The following ANK3 variants were observed in gnomAD, a reference collection of about 807,000 sequenced individuals.
ANK3 encodes ankyrin-3.
A neutral mutation model predicts 370.9 loss-of-function variants in ANK3; 57 were observed. That is an observed-to-expected ratio of 0.15 (90% CI 0.12 to 0.19). The LOEUF is 0.19. Ranked by LOEUF, ANK3 falls within the 10% of genes least tolerant of loss-of-function variation. ANK3 has a pLI of 1.00. For synonymous variants in ANK3, 1,929 were observed against 1,946.3 expected, an observed-to-expected ratio of 0.99 and a Z score of 0.23; for missense variants, 4,439 against 5,302.1, an observed-to-expected ratio of 0.84 and a Z score of 5.06.
intron 1 of ANK3, among the ~76,000 whole-genome samples, chr10:60,705,387 T>A (rs2079600697): frequency 6.6e-6 from 1 of 152,336 alleles, no homozygotes; most frequent in East Asian, 1.9e-4. Flanking sequence ...ATATGATTTT[T>A]AAAATAATAT....
At chr10:60,177,395 T>C (rs1013004872) in intron 18 of ANK3, among the ~76,000 whole-genome samples, 11 of 152,132 alleles carry the variant, frequency 7.2e-5, no homozygotes, top group Non-Finnish European at 1.3e-4. Flanking sequence ...TCCTACTTGA[T>C]TGGCCCCCAG....
chr10:60,287,464 C>A (rs2040276997), intron 1 of ANK3, among the ~76,000 whole-genome samples: 1 of 152,060 alleles, frequency 6.6e-6, no homozygotes, highest in African/African-American at 2.4e-5. Context: ...GTATAAAGGT[C>A]CACTGAGGGT....
At chr10:60,109,160 G>C in intron 26 of ANK3, 106 bp from the exon 27 acceptor site, 6 of 818,622 alleles carry the variant, frequency 7.3e-6, no homozygotes, top group Non-Finnish European at 1.2e-5. Context: ...AGACAATGTA[G>C]CTATCATTTC....
intron 1 of ANK3, among the ~76,000 whole-genome samples, chr10:60,326,256 G>T (rs2132914820): frequency 6.6e-6 from 1 of 152,110 alleles, no homozygotes; most frequent in African/African-American, 2.4e-5. Flanking sequence ...TAACACACCT[G>T]CACGTGTATT....
intron 42 of ANK3, chr10:60,050,809 G>A (rs935976328): frequency 6.6e-6 from 1 of 151,786 alleles, no homozygotes; most frequent in African/African-American, 2.4e-5. Flanking sequence ...TAATAGGGAA[G>A]AATTCTATTT....
intron 2 of ANK3, among the ~76,000 whole-genome samples, chr10:60,440,269 C>G (rs770659425): frequency 2.0e-5 from 3 of 152,044 alleles, no homozygotes; most frequent in Non-Finnish European, 4.4e-5. Flanking sequence ...TAGTAGTCCA[C>G]TCTCACCCTG....
chr10:60,623,616 C>G (rs2078368497), intron 1 of ANK3, among the ~76,000 whole-genome samples: 1 of 152,104 alleles, frequency 6.6e-6, no homozygotes, highest in Non-Finnish European at 1.5e-5. Context: ...GGTTGTTGAG[C>G]AGGAAAGTGA....
chr10:60,196,029 A>G, intron 16 of ANK3, 116 bp downstream of exon 16: 1 of 838,440 alleles, frequency 1.2e-6, no homozygotes, highest in Admixed American at 2.6e-5. Flanking sequence ...TATTTCTGTG[A>G]TTTTTTAGTG....
chr10:60,369,679 A>C (rs150649747), intron 1 of ANK3, among the ~76,000 whole-genome samples: 1 of 151,454 alleles, frequency 6.6e-6, no homozygotes, highest in Non-Finnish European at 1.5e-5. Context: ...CCTGTTTAAC[A>C]TAACTATTTG....
intron 25 of ANK3, among the ~76,000 whole-genome samples, chr10:60,117,213 G>A (rs1406509435): frequency 6.6e-6 from 1 of 152,196 alleles, no homozygotes; most frequent in Admixed American, 6.5e-5. Flanking sequence ...CCACCAAAGT[G>A]AAGGACTGAC....
intron 28 of ANK3, among the ~76,000 whole-genome samples, chr10:60,091,763 G>A (rs566252110): frequency 7.4e-5 from 11 of 148,742 alleles, no homozygotes; most frequent in South Asian, 2.1e-4. Flanking sequence ...ACGGAGTCTC[G>A]CTCTATCGCT....
At chr10:60,162,138 A>C (rs2095515809) in intron 23 of ANK3, among the ~76,000 whole-genome samples, 1 of 152,096 alleles carries the variant, frequency 6.6e-6, no homozygotes, top group African/African-American at 2.4e-5. Context: ...CCTTTTTTTG[A>C]AGCTAAAAAT....
intron 1 of ANK3, among the ~76,000 whole-genome samples, chr10:60,696,821 C>A (rs1418735466): frequency 7.0e-6 from 1 of 142,796 alleles, no homozygotes. Context: ...AAACTGGAAG[C>A]ATTCCCTTTG....
intron 1 of ANK3, among the ~76,000 whole-genome samples, chr10:60,364,334 A>G (rs1423642482): frequency 6.6e-6 from 1 of 151,920 alleles, no homozygotes; most frequent in Non-Finnish European, 1.5e-5. Flanking sequence ...TGCTCAAGTG[A>G]TCTAGAAATG....
chr10:60,088,385 C>T (rs754117575), intron 28 of ANK3, 27 bp from the exon 29 acceptor site: 17 of 1,591,584 alleles, frequency 1.1e-5, no homozygotes, highest in Non-Finnish European at 1.5e-5. Flanking sequence ...AAGAAAATGC[C>T]ATGAGAATAA....
intron 2 of ANK3, among the ~76,000 whole-genome samples, chr10:60,581,221 A>G: frequency 6.6e-6 from 1 of 152,280 alleles, no homozygotes; most frequent in African/African-American, 2.4e-5. Flanking sequence ...CTGAAGCCCC[A>G]TTTTACACTT....
intron 1 of ANK3, 35 bp from the exon 2 acceptor site, chr10:60,279,674 T>G (rs2098134410): frequency 6.5e-7 from 1 of 1,531,606 alleles, no homozygotes; most frequent in Non-Finnish European, 9.0e-7. Context: ...TGATGAAAAA[T>G]GAAGCTAATA....
chr10:60,221,461 C>T (rs1417381), intron 8 of ANK3, among the ~76,000 whole-genome samples: 76,738 of 151,994 alleles, frequency 0.5, 20,687 homozygotes, highest in East Asian at 0.79. Flanking sequence ...AATATTATAA[C>T]GAACCTCTGG....
At position 60,509,779 on chromosome 10, in the gene ANK3, G is replaced by T. The variant is rs532095626; in HGVS notation, c.96+105407C>A. Reference sequence around the variant, plus strand: ...AAAACGCTTCAGTGGATCAAAGTTTGCAAAGTATCAAATTATTATTTGTCC... The same window carrying T: ...AAAACGCTTCAGTGGATCAAAGTTTTCAAAGTATCAAATTATTATTTGTCC... On this transcript the variant is annotated intron_variant, in intron 2 of 43. Coordinates refer to the ANK3 transcript ENST00000373827. Among the ~76,000 whole-genome samples, 8 of 152,234 alleles carry T rather than the reference G, an allele frequency of 5.3e-5. No homozygotes were observed. In the South Asian group the frequency reaches 1.7e-3, roughly 32 times the overall value.
Sources: gnomAD v4.1 joint callset for allele counts (sites outside exome capture counted in the v4.1 genomes callset) on GRCh38, gnomAD v4.1.1 for gene constraint, MANE v1.5 for transcripts, NCBI Gene and HGNC (gene_info 2026-07-23, HGNC 2026-07-21) for gene names.